SUGCT: variants seen among roughly 807,000 people sequenced by gnomAD.
SUGCT encodes succinyl-CoA:glutarate-CoA transferase, also known as succinyl-CoA:glutarate CoA-transferase.
A neutral mutation model predicts 55.0 loss-of-function variants in SUGCT; 41 were observed. The observed-to-expected ratio is 0.74, with a 90% confidence interval of 0.58 to 0.97. The LOEUF (loss-of-function observed/expected upper bound fraction) is 0.97. Among genes scored for constraint, SUGCT ranks in the 50% least tolerant of loss-of-function variants. SUGCT has a pLI of 0.00. For missense variants in SUGCT, 568 were observed against 547.8 expected, an observed-to-expected ratio of 1.04 and a Z score of -0.37; for synonymous variants, 187 against 200.4, an observed-to-expected ratio of 0.93 and a Z score of 0.56.
chr7:40,894,340 G>T, the SUGCT span, among the ~76,000 whole-genome samples: 3 of 152,096 alleles, frequency 2.0e-5, no homozygotes, highest in African/African-American at 7.2e-5. Flanking sequence ...AGAAGTAAAT[G>T]CAAAACTTAA....
chr7:40,560,131 C>G (rs1449235665), intron 12 of SUGCT, among the ~76,000 whole-genome samples: 1 of 152,188 alleles, frequency 6.6e-6, no homozygotes, highest in African/African-American at 2.4e-5. Context: ...TCCCCACTTC[C>G]TATGCGTGGA....
intron 12 of SUGCT, among the ~76,000 whole-genome samples, chr7:40,618,016 T>G (rs1036198938): frequency 6.6e-6 from 1 of 152,248 alleles, no homozygotes; most frequent in Non-Finnish European, 1.5e-5. Context: ...TCATTCTTTC[T>G]CTAGAAGACA....
At chr7:40,479,684 CTTG>C (rs1289001199) in intron 11 of SUGCT, among the ~76,000 whole-genome samples, 2 of 152,088 alleles carry the variant, frequency 1.3e-5, no homozygotes, top group Non-Finnish European at 2.9e-5. Flanking sequence ...CCCTGCCACA[CTTG>C]TTATTTTTTT....
the SUGCT span, among the ~76,000 whole-genome samples, chr7:40,940,725 G>C: frequency 2.0e-5 from 3 of 152,046 alleles, no homozygotes; most frequent in Non-Finnish European, 4.4e-5. Context: ...TGTATACGTT[G>C]ATTTTGTAAC....
rs190731955 is a variant in SUGCT at position 40,245,336 on chromosome 7, G to A, written c.576+7610G>A. Reference sequence around the variant, plus strand: ...GGCCTCTCAAAGTGCTAGGATTACAGGTGTGAGCCACCGCACCTGGCCATG... The same window carrying A: ...GGCCTCTCAAAGTGCTAGGATTACAAGTGTGAGCCACCGCACCTGGCCATG... On this transcript the variant is annotated intron_variant, in intron 7 of 13. Coordinates refer to ENST00000335693, the MANE Select transcript of SUGCT (RefSeq NM_001193313.2). 2.8e-3 allele frequency among the ~76,000 whole-genome samples: 403 copies of A among 144,744 alleles called. 5 individuals carry two copies. The highest frequency in any genetic ancestry group is 0.01 in the African/African-American group (391 of 38,708). 95.0% of individuals were successfully genotyped at this position (144,744 alleles called of 152,430 possible). A position where few individuals can be genotyped will look rare whatever the true frequency, so the allele number is the denominator to read the frequency against.
At chr7:40,554,294 C>T (rs1044826556) in intron 12 of SUGCT, among the ~76,000 whole-genome samples, 2 of 152,096 alleles carry the variant, frequency 1.3e-5, no homozygotes, top group African/African-American at 4.8e-5. Flanking sequence ...GGATGGTTTC[C>T]CTAAATGTAA....
chr7:40,997,957 G>C, the SUGCT span, among the ~76,000 whole-genome samples: 1 of 152,010 alleles, frequency 6.6e-6, no homozygotes, highest in Non-Finnish European at 1.5e-5. Flanking sequence ...CCTGCTCAAT[G>C]CTCACCAGCT....
the SUGCT span, among the ~76,000 whole-genome samples, chr7:40,878,795 CTTTTTT>C: frequency 7.2e-6 from 1 of 139,372 alleles, no homozygotes; most frequent in Non-Finnish European, 1.6e-5. Flanking sequence ...CTTTCTCAAA[CTTTTTT>C]TTTTTTTTTT....
intron 9 of SUGCT, among the ~76,000 whole-genome samples, chr7:40,332,969 C>A (rs905100111): frequency 5.9e-5 from 9 of 152,074 alleles, no homozygotes; most frequent in African/African-American, 9.7e-5. Context: ...TCCATCTAGA[C>A]AGCAAATTAA....
At chr7:40,964,476 A>G in the SUGCT span, among the ~76,000 whole-genome samples, 2 of 152,186 alleles carry the variant, frequency 1.3e-5, no homozygotes, top group East Asian at 3.9e-4. Flanking sequence ...CAGTCCAGGC[A>G]AGTGCCTCAA....
At chr7:40,348,728 T>C (rs1583481842) in intron 9 of SUGCT, among the ~76,000 whole-genome samples, 1 of 152,154 alleles carries the variant, frequency 6.6e-6, no homozygotes, top group Non-Finnish European at 1.5e-5. Context: ...CTGGAAGAAG[T>C]TTTTAGATTT....
intron 11 of SUGCT, among the ~76,000 whole-genome samples, chr7:40,489,719 A>C (rs1791578439): frequency 6.6e-6 from 1 of 152,078 alleles, no homozygotes; most frequent in African/African-American, 2.4e-5. Context: ...AACAAACAAC[A>C]GAACAAAACA....
intron 12 of SUGCT, among the ~76,000 whole-genome samples, chr7:40,566,687 T>C (rs1796172866): frequency 6.6e-6 from 1 of 152,190 alleles, no homozygotes; most frequent in Non-Finnish European, 1.5e-5. Flanking sequence ...ATTTTAAGGT[T>C]TGTTTCATCG....
At chr7:40,755,107 A>G (rs1458206998) in intron 13 of SUGCT, among the ~76,000 whole-genome samples, 2 of 152,184 alleles carry the variant, frequency 1.3e-5, no homozygotes, top group Non-Finnish European at 2.9e-5. Flanking sequence ...AGGCCAGAGG[A>G]ATAAGTTCTA....
chr7:40,307,945 T>A (rs1196697018), intron 8 of SUGCT, among the ~76,000 whole-genome samples: 1 of 152,066 alleles, frequency 6.6e-6, no homozygotes, highest in Non-Finnish European at 1.5e-5. Context: ...TGAGGCGAGG[T>A]CAAATTTTTC....
At chr7:41,005,248 C>T in the SUGCT span, among the ~76,000 whole-genome samples, 2 of 152,116 alleles carry the variant, frequency 1.3e-5, no homozygotes, top group Non-Finnish European at 2.9e-5. Flanking sequence ...GTGTTTCCCC[C>T]TCAGCTGAAG....
intron 9 of SUGCT, among the ~76,000 whole-genome samples, chr7:40,406,855 A>G (rs1169594275): frequency 6.6e-6 from 1 of 152,134 alleles, no homozygotes; most frequent in Non-Finnish European, 1.5e-5. Flanking sequence ...GACAGCTGAG[A>G]GAATTCTGAA....
chr7:40,900,366 G>A, the SUGCT span, among the ~76,000 whole-genome samples: 25 of 152,204 alleles, frequency 1.6e-4, no homozygotes, highest in Non-Finnish European at 3.2e-4. Context: ...AGGTGACTAA[G>A]CCTCTTTATG....
At chr7:40,462,293 G>A (rs529466226) in intron 11 of SUGCT, among the ~76,000 whole-genome samples, 4 of 152,280 alleles carry the variant, frequency 2.6e-5, no homozygotes, top group African/African-American at 7.2e-5. Context: ...AGTTTATGGA[G>A]TAAGTCAGAG....
Sources: allele counts gnomAD v4.1 joint callset (sites outside exome capture counted in the v4.1 genomes callset), GRCh38; gene constraint gnomAD v4.1.1; transcripts MANE v1.5; gene names NCBI Gene and HGNC (gene_info 2026-07-23, HGNC 2026-07-21).